Variants in RBFOX1 observed in about 807,000 individuals in gnomAD.
RBFOX1 encodes RNA binding fox-1 homolog 1.
Under a neutral mutation model 57.7 loss-of-function variants are expected in RBFOX1, and 8 were observed. That is an observed-to-expected ratio of 0.14 (90% CI 0.08 to 0.25). The LOEUF (loss-of-function observed/expected upper bound fraction) is 0.25, where lower values mean the gene tolerates loss of function less well. Ranked by LOEUF, RBFOX1 falls within the 10% of genes least tolerant of loss-of-function variation. RBFOX1 has a pLI of 1.00. For missense variants in RBFOX1, 611 were observed against 548.5 expected (o/e 1.11, Z -1.14); for synonymous variants, 326 against 222.4 (o/e 1.47, Z -4.15).
intron 4 of RBFOX1, among the ~76,000 whole-genome samples, chr16:7,300,781 G>A (rs1460950357): frequency 6.6e-6 from 1 of 152,142 alleles, no homozygotes. Context: ...ATTAAAACTT[G>A]GGTAGTTGCC....
rs574242422 is a variant in RBFOX1 at position 5,940,646 on chromosome 16, G to A, written c.351+73311G>A. On this transcript the variant is annotated intron_variant, in intron 4 of 19. Coordinates refer to the RBFOX1 transcript ENST00000641259. ...CCTTCAGGAAGCAATTAAAGGGCCTGCCCCATAGTGGGAGCACCCGTGGTA... is the reference window on the plus strand; with the variant it reads ...CCTTCAGGAAGCAATTAAAGGGCCTACCCCATAGTGGGAGCACCCGTGGTA... 7.0e-4 allele frequency among the ~76,000 whole-genome samples: 106 copies of A among 152,346 alleles called. 1 individual carries two copies. The highest frequency in any genetic ancestry group is 2.3e-3 in the African/African-American group (96 of 41,584).
intron 4 of RBFOX1, among the ~76,000 whole-genome samples, chr16:7,292,249 A>ATCATG (rs1369064075): frequency 9.0e-6 from 1 of 110,756 alleles, no homozygotes; most frequent in African/African-American, 4.1e-5. Context: ...TATATCATAT[A>ATCATG]TATGATATAT....
chr16:7,277,971 G>T (rs1382401300), intron 4 of RBFOX1, among the ~76,000 whole-genome samples: 1 of 150,676 alleles, frequency 6.6e-6, no homozygotes, highest in East Asian at 1.9e-4. Context: ...AAGGTACTAA[G>T]ACATTAATAT....
intron 4 of RBFOX1, among the ~76,000 whole-genome samples, chr16:7,060,852 T>C (rs1035973194): frequency 1.1e-4 from 16 of 152,198 alleles, no homozygotes; most frequent in African/African-American, 3.1e-4. Context: ...CATTCCTCTG[T>C]AAGCATGAAT....
At chr16:6,795,716 A>G (rs562170076) in intron 3 of RBFOX1, among the ~76,000 whole-genome samples, 12 of 152,056 alleles carry the variant, frequency 7.9e-5, no homozygotes, top group East Asian at 5.8e-4. Flanking sequence ...CAGTTAGCCA[A>G]TGTTGCACCA....
At chr16:5,647,325 C>G (rs1417438247) in intron 3 of RBFOX1, among the ~76,000 whole-genome samples, 1 of 152,196 alleles carries the variant, frequency 6.6e-6, no homozygotes, top group Non-Finnish European at 1.5e-5. Flanking sequence ...GGTGGACATT[C>G]TACTGCCTCA....
chr16:7,705,454 A>C (rs903287677), intron 14 of RBFOX1, among the ~76,000 whole-genome samples: 2 of 151,700 alleles, frequency 1.3e-5, no homozygotes, highest in Non-Finnish European at 2.9e-5. Context: ...GCAGTGAGCC[A>C]AGATTGTGCC....
intron 3 of RBFOX1, among the ~76,000 whole-genome samples, chr16:6,785,975 C>T (rs765987978): frequency 3.9e-5 from 6 of 152,282 alleles, no homozygotes; most frequent in South Asian, 4.1e-4. Context: ...ACCAACAGAC[C>T]ATCCTTCCAA....
chr16:5,479,407 C>A (rs1026516345), intron 2 of RBFOX1, among the ~76,000 whole-genome samples: 1 of 152,166 alleles, frequency 6.6e-6, no homozygotes, highest in South Asian at 2.1e-4. Context: ...ATTCCAAAGG[C>A]TTCCTTTGCA....
intron 3 of RBFOX1, among the ~76,000 whole-genome samples, chr16:6,743,053 G>A (rs1031124502): frequency 2.0e-5 from 3 of 152,088 alleles, no homozygotes; most frequent in Non-Finnish European, 4.4e-5. Flanking sequence ...GCAGGATAGG[G>A]AAACAATACT....
intron 3 of RBFOX1, among the ~76,000 whole-genome samples, chr16:5,612,518 C>T (rs2047861771): frequency 6.6e-6 from 1 of 152,212 alleles, no homozygotes; most frequent in African/African-American, 2.4e-5. Flanking sequence ...AAAAGTGCTT[C>T]ACAAGGTAGA....
In RBFOX1 at chr16:7,671,277, G is replaced by A. The variant is rs1272801475; in HGVS notation, c.931-5497G>A. Among the ~76,000 whole-genome samples, 9 of 152,200 alleles carry A rather than the reference G, an allele frequency of 5.9e-5. No individual in the cohort carries two copies. The South Asian group carries it at 1.0e-3, about 18-fold the overall frequency. On this transcript the variant is annotated intron_variant, in intron 13 of 15. Coordinates refer to ENST00000550418, the MANE Select transcript of RBFOX1 (RefSeq NM_018723.4). The stretch of plus-strand genomic sequence containing the variant: ...TATGCTTTAAGAGGCAAGAAGCCAT[G>A]AAATTATCTTTTTCTTCTTTAGAAA...
At chr16:6,598,506 G>A (rs1414256201) in intron 2 of RBFOX1, among the ~76,000 whole-genome samples, 1 of 152,110 alleles carries the variant, frequency 6.6e-6, no homozygotes, top group Non-Finnish European at 1.5e-5. Flanking sequence ...ACGTCAGACC[G>A]ATATATACAA....
intron 2 of RBFOX1, among the ~76,000 whole-genome samples, chr16:6,395,335 C>G (rs947540789): frequency 6.6e-6 from 1 of 152,172 alleles, no homozygotes; most frequent in South Asian, 2.1e-4. Context: ...CAAATGAAAA[C>G]TCTGTCAAAG....
chr16:7,002,643 C>T (rs1318985841), intron 3 of RBFOX1, among the ~76,000 whole-genome samples: 1 of 152,094 alleles, frequency 6.6e-6, no homozygotes, highest in South Asian at 2.1e-4. Flanking sequence ...ACCTGGGAGG[C>T]AGAGGTTGCA....
At chr16:7,275,308 T>C (rs1423073638) in intron 4 of RBFOX1, among the ~76,000 whole-genome samples, 1 of 152,256 alleles carries the variant, frequency 6.6e-6, no homozygotes, top group Non-Finnish European at 1.5e-5. Flanking sequence ...CTAATCGTTA[T>C]ATAATATTCA....
intron 4 of RBFOX1, among the ~76,000 whole-genome samples, chr16:7,488,202 C>T (rs192909097): frequency 5.9e-5 from 9 of 152,268 alleles, no homozygotes; most frequent in Admixed American, 1.3e-4. Context: ...CGTGCTCATC[C>T]CTGCAGGAGG....
At chr16:7,187,459 G>C (rs1439097605) in intron 4 of RBFOX1, among the ~76,000 whole-genome samples, 3 of 151,530 alleles carry the variant, frequency 2.0e-5, no homozygotes, top group Non-Finnish European at 2.9e-5. Context: ...AGAGGCCAAG[G>C]CGGGCTAATC....
At chr16:7,408,144 C>T (rs1466140679) in intron 4 of RBFOX1, among the ~76,000 whole-genome samples, 1 of 152,216 alleles carries the variant, frequency 6.6e-6, no homozygotes, top group African/African-American at 2.4e-5. Flanking sequence ...AGAACATACA[C>T]ATTCTTTGAA....
Sources: allele counts gnomAD v4.1 joint callset (sites outside exome capture counted in the v4.1 genomes callset), GRCh38; gene constraint gnomAD v4.1.1; transcripts MANE v1.5; gene names NCBI Gene and HGNC (gene_info 2026-07-23, HGNC 2026-07-21).